Variants in NEK11 observed in about 807,000 individuals in gnomAD.
The protein encoded by NEK11 is serine/threonine-protein kinase Nek11.
In NEK11, 72 loss-of-function variants were observed where a neutral mutation model predicts 80.7. The observed-to-expected ratio is 0.89, with a 90% CI of 0.74 to 1.08. The LOEUF (loss-of-function observed/expected upper bound fraction) is 1.08, where lower values mean the gene tolerates loss of function less well. NEK11 is among the 50% of genes least tolerant of loss of function. NEK11 has a pLI of 0.00. For synonymous variants in NEK11, 251 were observed against 260.7 expected (o/e 0.96, Z 0.36); for missense variants, 764 against 763.6 (o/e 1.00, Z -0.01).
chr3:131,177,345 A>G (rs2150127914), intron 14 of NEK11, among the ~76,000 whole-genome samples: 1 of 152,308 alleles, frequency 6.6e-6, no homozygotes, highest in African/African-American at 2.4e-5. Flanking sequence ...AGTAATACCA[A>G]TCTGAAAAAT....
At chr3:131,058,407 T>C (rs2070090659) in intron 3 of NEK11, among the ~76,000 whole-genome samples, 1 of 152,166 alleles carries the variant, frequency 6.6e-6, no homozygotes, top group Non-Finnish European at 1.5e-5. Flanking sequence ...TTAAAGTAGT[T>C]TTTTCCAATT....
At chr3:131,283,962 A>G (rs6765452) in intron 17 of NEK11, among the ~76,000 whole-genome samples, 16,587 of 152,172 alleles carry the variant, frequency 0.11, 1,478 homozygotes, top group African/African-American at 0.24. Context: ...GAAGCAATTA[A>G]TTGAATTCTT....
rs754769093 is a variant in NEK11 at position 131,029,739 on chromosome 3, G to A, written c.31G>A (p.Val11Met). 3.7e-6 allele frequency: 6 copies of A among 1,614,196 alleles called. No homozygotes were observed. In the East Asian group the frequency reaches 1.3e-4, roughly 36 times the overall value. Reference sequence around the variant, plus strand: ...GAAATTCCAAGAGGCAGCTAAGTGTGTGAGTGGATCAACAGCCATTTCCAC... The same window carrying A: ...GAAATTCCAAGAGGCAGCTAAGTGTATGAGTGGATCAACAGCCATTTCCAC... MLKFQEAAKC[V>M]SGSTAISTYP... The change falls in exon 3 of 18, where the codon GTG becomes ATG. Residue 11 changes from valine (V) to methionine (M), a missense_variant. Physicochemically the swap from Val to Met is conservative, Grantham distance 21. Coordinates refer to ENST00000383366, the MANE Select transcript of NEK11 (RefSeq NM_024800.5).
chr3:131,088,564 A>C (rs994996797), intron 4 of NEK11, among the ~76,000 whole-genome samples: 1 of 152,032 alleles, frequency 6.6e-6, no homozygotes, highest in Non-Finnish European at 1.5e-5. Flanking sequence ...GAATCACACT[A>C]ATTTATTTCA....
intron 3 of NEK11, among the ~76,000 whole-genome samples, chr3:131,034,305 A>T (rs1360169234): frequency 2.0e-5 from 3 of 152,212 alleles, no homozygotes; most frequent in Admixed American, 6.5e-5. Flanking sequence ...TTTTTAAAAA[A>T]TTTATCACAT....
intron 17 of NEK11, among the ~76,000 whole-genome samples, chr3:131,336,077 C>T (rs1421294290): frequency 1.3e-5 from 2 of 152,226 alleles, no homozygotes; most frequent in African/African-American, 2.4e-5. Context: ...CCATCCCCAT[C>T]AAGCTACCAA....
At chr3:131,314,282 T>C (rs1314273996) in intron 17 of NEK11, among the ~76,000 whole-genome samples, 1 of 152,244 alleles carries the variant, frequency 6.6e-6, no homozygotes, top group Non-Finnish European at 1.5e-5. Context: ...CCATCAAGAA[T>C]ACTGTGTTCT....
chr3:131,206,773 A>C (rs1230044758), intron 14 of NEK11, among the ~76,000 whole-genome samples: 1 of 152,068 alleles, frequency 6.6e-6, no homozygotes, highest in Non-Finnish European at 1.5e-5. Flanking sequence ...GCACCCATTA[A>C]GCTGCACCCA....
chr3:131,349,678 C>T lies in NEK11; in HGVS notation c.1840C>T (p.Gln614Ter), dbSNP rs2097425435. 1 of 1,614,168 alleles carries T rather than the reference C, an allele frequency of 6.2e-7. No individual in the cohort carries two copies. The highest frequency in any genetic ancestry group is 1.1e-5 in the South Asian group (1 of 91,084). ...CGAGTGTTTGGAAAAAGTGGTGCCT[C>T]AAGCCAGCGACTGTTTTGAAGTGGA... The part of the protein sequence containing the change: ...IRECLEKVVP[Q>*]ASDCFEVDQL... The change falls in exon 18 of 18, where the codon CAA becomes TAA. Residue 614 changes from glutamine (Q) to a stop codon, truncating the protein, a stop_gained. Coordinates refer to ENST00000383366, the MANE Select transcript of NEK11 (RefSeq NM_024800.5). LOFTEE classifies it low-confidence loss of function (END_TRUNC).
rs563755642 is a variant in NEK11, at chr3:131,044,574, A to G, written c.170+14696A>G. On this transcript the variant is annotated intron_variant, in intron 3 of 17. Coordinates refer to ENST00000383366, the MANE Select transcript of NEK11 (RefSeq NM_024800.5). ...ATCAATGCAACGAGAAGAGCCAACTATCCTAGGTATATATGCACCCAATAC... is the reference window on the plus strand; with the variant it reads ...ATCAATGCAACGAGAAGAGCCAACTGTCCTAGGTATATATGCACCCAATAC... Among the ~76,000 whole-genome samples the G allele has an allele frequency of 2.6e-4, 39 of 152,156 alleles. No individual in the cohort carries two copies. The South Asian group carries it at 6.2e-3, about 24-fold the overall frequency.
At chr3:131,115,247 C>G (rs2080823799) in intron 5 of NEK11, among the ~76,000 whole-genome samples, 1 of 152,160 alleles carries the variant, frequency 6.6e-6, no homozygotes, top group South Asian at 2.1e-4. Flanking sequence ...GGATTTACAC[C>G]ATTGGCTCCC....
At chr3:131,180,731 TTAA>T (rs2093301438) in intron 14 of NEK11, among the ~76,000 whole-genome samples, 1 of 152,208 alleles carries the variant, frequency 6.6e-6, no homozygotes, top group Non-Finnish European at 1.5e-5. Context: ...TTATATATCA[TTAA>T]TAAAACTACT....
intron 3 of NEK11, among the ~76,000 whole-genome samples, chr3:131,037,784 C>G (rs1560118362): frequency 2.0e-5 from 3 of 152,202 alleles, no homozygotes; most frequent in African/African-American, 7.2e-5. Context: ...TCTTTACTTT[C>G]AATTTTGAGT....
rs2085021309 is a variant in NEK11 at position 131,133,880 on chromosome 3, A to T, written c.571A>T (p.Thr191Ser). Residue 191 changes from threonine (T) to serine (S), a missense_variant, in exon 7 of 18, where the codon ACT becomes TCT. Thr to Ser is a moderately conservative substitution (Grantham distance 58, BLOSUM62 1). Transcript: ENST00000383366. ...LLMGSCDLAT[T>S]LTGTPHYMSP... Reference sequence around the variant, plus strand: ...AATGGGATCCTGTGACCTGGCCACAACTTTAACTGGAACTCCCCATTATAT... The same window carrying T: ...AATGGGATCCTGTGACCTGGCCACATCTTTAACTGGAACTCCCCATTATAT... 1 of 1,612,580 alleles carries T rather than the reference A, an allele frequency of 6.2e-7. No homozygotes were observed. Among genetic ancestry groups the T allele is most frequent in the African/African-American group, 1.3e-5 (1 of 74,900 alleles).
At chr3:131,160,635 G>A (rs548145887) in intron 10 of NEK11, among the ~76,000 whole-genome samples, 6 of 152,240 alleles carry the variant, frequency 3.9e-5, no homozygotes, top group East Asian at 1.9e-4. Context: ...GCACAGTGTC[G>A]AGTTGGATAA....
At chr3:131,311,661 G>T (rs1197650546) in intron 17 of NEK11, among the ~76,000 whole-genome samples, 1 of 152,222 alleles carries the variant, frequency 6.6e-6, no homozygotes, top group East Asian at 1.9e-4. Flanking sequence ...TAGAAACATG[G>T]ATGATTGTGG....
At chr3:131,308,229 G>A (rs944455099) in intron 17 of NEK11, among the ~76,000 whole-genome samples, 1 of 152,332 alleles carries the variant, frequency 6.6e-6, no homozygotes, top group East Asian at 1.9e-4. Flanking sequence ...GCATCCATTA[G>A]TAACTCAACA....
chr3:131,215,597 C>T (rs377375026), intron 14 of NEK11, among the ~76,000 whole-genome samples: 3 of 152,138 alleles, frequency 2.0e-5, no homozygotes, highest in Admixed American at 1.3e-4. Flanking sequence ...GGGCATCTTA[C>T]AGATGAGAAG....
intron 5 of NEK11, among the ~76,000 whole-genome samples, chr3:131,127,605 A>G (rs1252786763): frequency 2.0e-5 from 3 of 152,046 alleles, no homozygotes; most frequent in Admixed American, 6.5e-5. Context: ...AATAATTTCA[A>G]TAGGTGGATC....
Sources: gnomAD v4.1 joint callset for allele counts (sites outside exome capture counted in the v4.1 genomes callset) on GRCh38, gnomAD v4.1.1 for gene constraint, MANE v1.5 for transcripts, NCBI Gene and HGNC (gene_info 2026-07-23, HGNC 2026-07-21) for gene names.